PDS5B: variants seen among roughly 807,000 people sequenced by gnomAD.
PDS5B encodes sister chromatid cohesion protein PDS5 homolog B.
PDS5B carries 51 observed loss-of-function variants against 184.1 expected under a neutral mutation model. The ratio of observed to expected loss-of-function variants is 0.28; its 90% confidence interval spans 0.22 to 0.35. The LOEUF is 0.35. Ranked by LOEUF, PDS5B falls within the 10% of genes least tolerant of loss-of-function variation. The pLI, the probability that PDS5B is intolerant of heterozygous loss-of-function variation, is 1.00. For missense variants in PDS5B, 1,180 were observed against 1,723.3 expected, an observed-to-expected ratio of 0.68 and a Z score of 5.58; for synonymous variants, 566 against 569.2, an observed-to-expected ratio of 0.99 and a Z score of 0.08.
chr13:32,759,271 G>C (rs1395446952), intron 28 of PDS5B, among the ~76,000 whole-genome samples: 1 of 152,082 alleles, frequency 6.6e-6, no homozygotes, highest in Non-Finnish European at 1.5e-5. Flanking sequence ...TAGAGATTTG[G>C]AACAGGCCTG....
chr13:32,769,823 A>T (rs1954717324), intron 31 of PDS5B, among the ~76,000 whole-genome samples: 1 of 152,198 alleles, frequency 6.6e-6, no homozygotes, highest in Non-Finnish European at 1.5e-5. Context: ...GCTCTTTTTA[A>T]TGAGATAGCT....
intron 1 of PDS5B, among the ~76,000 whole-genome samples, chr13:32,641,950 A>T (rs1950106395): frequency 6.6e-6 from 1 of 152,198 alleles, no homozygotes; most frequent in African/African-American, 2.4e-5. Flanking sequence ...ACATTTGCTC[A>T]TCATTGTATT....
intron 1 of PDS5B, among the ~76,000 whole-genome samples, chr13:32,592,566 A>G (rs948351697): frequency 3.3e-5 from 5 of 152,058 alleles, no homozygotes; most frequent in Admixed American, 2.6e-4. Context: ...CCTAAGTAGA[A>G]GCTCTTGAGC....
chr13:32,716,664 T>TC (rs1555308727), intron 19 of PDS5B, among the ~76,000 whole-genome samples: 7 of 94,472 alleles, frequency 7.4e-5, no homozygotes, highest in Non-Finnish European at 4.3e-5. Flanking sequence ...GGGAGGGAGG[T>TC]GGGGGGGGTC....
chr13:32,600,067 G>A (rs1243437816), intron 1 of PDS5B, among the ~76,000 whole-genome samples: 1 of 151,960 alleles, frequency 6.6e-6, no homozygotes, highest in African/African-American at 2.4e-5. Context: ...TGTATCTAAT[G>A]TGCAGTGAAG....
chr13:32,629,267 T>G (rs896293301), intron 1 of PDS5B, among the ~76,000 whole-genome samples: 1 of 152,228 alleles, frequency 6.6e-6, no homozygotes, highest in African/African-American at 2.4e-5. Flanking sequence ...CGATTTTTTT[T>G]TTTTAACCTT....
At chr13:32,610,624 T>TC (rs2058126647) in intron 1 of PDS5B, among the ~76,000 whole-genome samples, 1 of 152,130 alleles carries the variant, frequency 6.6e-6, no homozygotes, top group African/African-American at 2.4e-5. Context: ...AAATTTTTTT[T>TC]TTTTTTTGCT....
Position 32,775,095 on chromosome 13 carries a change from A to ATAATTTT in PDS5B, c.*44_*45insAATTTTT. The ATAATTTT allele has an allele frequency of 1.8e-6, 1 of 547,624 alleles. No individual in the cohort carries two copies. The highest frequency in any genetic ancestry group is 2.6e-6 in the Non-Finnish European group (1 of 388,738). 33.9% of individuals were successfully genotyped at this position (547,624 alleles called of 1,614,324 possible). A position where few individuals can be genotyped will look rare whatever the true frequency, so the allele number is the denominator to read the frequency against. On this transcript the variant is annotated 3_prime_UTR_variant, in exon 35 of 35. Transcript: ENST00000315596. ...CTTTCTCTGTGAAAGCTTTGGAAAAATCTTTTTTTTTTTTTTTGGTCAAGC... is the reference window on the plus strand; with the variant it reads ...CTTTCTCTGTGAAAGCTTTGGAAAAATAATTTTTCTTTTTTTTTTTTTTTGGTCAAGC...
At chr13:32,716,617 G>C (rs1367383068) in intron 19 of PDS5B, among the ~76,000 whole-genome samples, 1 of 149,452 alleles carries the variant, frequency 6.7e-6, no homozygotes, top group African/African-American at 2.4e-5. Context: ...GAGGGAGGTG[G>C]GGGGGTCAGC....
rs781188988 is a variant in PDS5B, at chr13:32,679,638, C to CA, written c.1057+725dup. On this transcript the variant is annotated intron_variant, in intron 10 of 34. Coordinates refer to ENST00000315596, the MANE Select transcript of PDS5B (RefSeq NM_015032.4). Reference sequence around the variant, plus strand: ...TCAACAAGAGCGAAACTCTTTATCTCAAAAAAAAAAAAAAAATAAATAAAT... The same window carrying CA: ...TCAACAAGAGCGAAACTCTTTATCTCAAAAAAAAAAAAAAAAATAAATAAAT... Among the ~76,000 whole-genome samples the CA allele has an allele frequency of 5.0e-3, 709 of 142,330 alleles. 24 individuals carry two copies. The East Asian group carries it at 0.097, about 19-fold the overall frequency. 93.4% of individuals were successfully genotyped at this position (142,330 alleles called of 152,430 possible). A position where few individuals can be genotyped will look rare whatever the true frequency, so the allele number is the denominator to read the frequency against.
At chr13:32,676,963 A>AAGGCCCTG (rs1951085992) in intron 9 of PDS5B, among the ~76,000 whole-genome samples, 1 of 150,694 alleles carries the variant, frequency 6.6e-6, no homozygotes, top group Non-Finnish European at 1.5e-5. Context: ...AAAAGATTTA[A>AAGGCCCTG]AGGCCCTGAT....
chr13:32,774,839 T>C (rs188197634), intron 34 of PDS5B, among the ~76,000 whole-genome samples, 178 bp from the exon 35 acceptor site: 1 of 152,252 alleles, frequency 6.6e-6, no homozygotes, highest in African/African-American at 2.4e-5. Flanking sequence ...AGGGATCAAA[T>C]GTTATAGAGG....
chr13:32,590,349 A>T (rs1380528692), intron 1 of PDS5B, among the ~76,000 whole-genome samples: 1 of 152,222 alleles, frequency 6.6e-6, no homozygotes, highest in Non-Finnish European at 1.5e-5. Flanking sequence ...ACCAGGGATG[A>T]TGCACTAAAC....
At chr13:32,704,445 A>G (rs1050585734) in intron 17 of PDS5B, among the ~76,000 whole-genome samples, 1 of 152,264 alleles carries the variant, frequency 6.6e-6, no homozygotes, top group African/African-American at 2.4e-5. Flanking sequence ...CTGGGATTAC[A>G]GGCATGAGCC....
chr13:32,699,863 T>A lies in PDS5B; in HGVS notation c.1734T>A (p.Gly578=). 1 of 1,564,198 alleles carries A rather than the reference T, an allele frequency of 6.4e-7. No homozygotes were observed. Among genetic ancestry groups the A allele is most frequent in the East Asian group, 2.4e-5 (1 of 41,294 alleles). ...SPTCSCKQAE[G]CVREITKKLG... ...CATGCTCCTGCAAGCAGGCTGAAGG[T>A]TGTGTGGTAAGGAGAGAAAAGAGCT... Residue 578 remains glycine, a synonymous_variant, in exon 16 of 35, where the codon GGT becomes GGA. Transcript: ENST00000315596.
In PDS5B at chr13:32,617,023, T is replaced by C. The variant is rs2058229754; in HGVS notation, c.-20+30430T>C. On this transcript the variant is annotated intron_variant, in intron 1 of 34. Transcript: ENST00000315596. ...TCATCTATTAATAGTTTCTCTGACGTTGACAGTCTTTGCGTAGAGAACTCA... is the reference window on the plus strand; with the variant it reads ...TCATCTATTAATAGTTTCTCTGACGCTGACAGTCTTTGCGTAGAGAACTCA... Among the ~76,000 whole-genome samples, 2 of 152,220 alleles carry C rather than the reference T, an allele frequency of 1.3e-5. 1 individual carries two copies. Among genetic ancestry groups the C allele is most frequent in the South Asian group, 4.1e-4 (2 of 4,836 alleles).
intron 8 of PDS5B, among the ~76,000 whole-genome samples, chr13:32,675,437 G>C (rs61946428): frequency 0.025 from 3,837 of 152,296 alleles, 113 homozygotes; most frequent in Non-Finnish European, 0.03. Context: ...TATTCACACA[G>C]AGTTTTCTGT....
intron 1 of PDS5B, among the ~76,000 whole-genome samples, chr13:32,612,528 C>T (rs1240903683): frequency 6.6e-6 from 1 of 152,174 alleles, no homozygotes; most frequent in East Asian, 1.9e-4. Context: ...TCAAAAGAAA[C>T]CCTGCACCTC....
chr13:32,777,572 T>A lies in PDS5B; in HGVS notation c.*2520T>A, dbSNP rs1056550340. 2 of 152,368 alleles carry A rather than the reference T, an allele frequency of 1.3e-5. No individual in the cohort carries two copies. Among genetic ancestry groups the A allele is most frequent in the African/African-American group, 4.8e-5 (2 of 41,440 alleles). The allele number at this position is 152,368 out of a possible 1,614,324, so 9.4% of individuals were successfully genotyped here. On this transcript the variant is annotated 3_prime_UTR_variant, in exon 35 of 35. Coordinates refer to ENST00000315596, the MANE Select transcript of PDS5B (RefSeq NM_015032.4). ...AGTGATAATGTTCATTTTGAAAATA[T>A]GTACTGTATAACATTAAGAAAATAT...
Sources: gnomAD v4.1 joint callset for allele counts (sites outside exome capture counted in the v4.1 genomes callset) on GRCh38, gnomAD v4.1.1 for gene constraint, MANE v1.5 for transcripts, NCBI Gene and HGNC (gene_info 2026-07-23, HGNC 2026-07-21) for gene names.